The following TTLL2 variants were observed in gnomAD, a reference collection of about 807,000 sequenced individuals.
TTLL2 encodes the protein probable tubulin polyglutamylase TTLL2.
Under a neutral mutation model 7.5 loss-of-function variants are expected in TTLL2, and 10 were observed. That is an observed-to-expected ratio of 1.33 (90% confidence interval 0.82 to 2.25). The LOEUF is 2.25. Among genes scored for constraint, TTLL2 ranks in the 30% most tolerant of loss-of-function variants. The pLI is 0.00. For synonymous variants in TTLL2, 284 were observed against 280.3 expected (o/e 1.01, Z -0.13); for missense variants, 733 against 735.7 (o/e 1.00, Z 0.04).
chr6:167,339,280 A>T (rs1288809745), intron 2 of TTLL2, among the ~76,000 whole-genome samples: 1 of 152,184 alleles, frequency 6.6e-6, no homozygotes, highest in Non-Finnish European at 1.5e-5. Flanking sequence ...TGACATATGT[A>T]CATTTTTATC....
intron 1 of TTLL2, chr6:167,328,140 A>T: frequency 2.2e-6 from 1 of 456,220 alleles, no homozygotes; most frequent in Non-Finnish European, 4.4e-6. Context: ...GTGAAGAAAA[A>T]GACTCTTAGT....
Position 167,341,113 on chromosome 6 carries a change from A to G in TTLL2, c.1213A>G (p.Arg405Gly), listed in dbSNP as rs1282513379. ...LDCSTDVLVK[R>G]KLVHDIIDLI... The stretch of plus-strand genomic sequence containing the variant: ...TTGTTCAACAGATGTGTTGGTGAAG[A>G]GAAAACTTGTCCATGATATTATTGA... Residue 405 changes from arginine (R) to glycine (G), a missense_variant, in exon 3 of 3, where the codon AGA becomes GGA. Physicochemically the swap from Arg to Gly is moderately radical, Grantham distance 125. Coordinates refer to ENST00000239587, the MANE Select transcript of TTLL2 (RefSeq NM_031949.5). 5 of 1,613,988 alleles carry G rather than the reference A, an allele frequency of 3.1e-6. No homozygotes were observed. In the Admixed American group the frequency reaches 8.3e-5, roughly 27 times the overall value.
chr6:167,340,047 A>G, intron 2 of TTLL2, 58 bp from the exon 3 acceptor site: 5 of 1,517,188 alleles, frequency 3.3e-6, no homozygotes, highest in South Asian at 1.3e-5. Flanking sequence ...CCTCAGAAAA[A>G]TCTACTAGGT....
chr6:167,339,975 G>C, intron 2 of TTLL2, 130 bp from the exon 3 acceptor site: 1 of 952,298 alleles, frequency 1.1e-6, no homozygotes, highest in Non-Finnish European at 1.6e-6. Flanking sequence ...TGGGTGTCCG[G>C]TGAGACTGCA....
chr6:167,336,720 A>C (rs1202727588), intron 1 of TTLL2, among the ~76,000 whole-genome samples: 3 of 152,078 alleles, frequency 2.0e-5, no homozygotes, highest in African/African-American at 7.3e-5. Context: ...CAGAACTAAA[A>C]ATTGCACTGA....
Position 167,341,172 on chromosome 6 carries a change from G to A in TTLL2, c.1272G>A (p.Gly424=). 6.2e-7 allele frequency: 1 copy of A among 1,613,756 alleles called. No individual in the cohort carries two copies. The highest frequency in any genetic ancestry group is 1.7e-5 in the Admixed American group (1 of 59,982). The change falls in exon 3 of 3, where the codon GGG becomes GGA. Residue 424 remains glycine, a synonymous_variant. Transcript: ENST00000239587. Reference sequence around the variant, plus strand: ...ACTTAAATGGTCTAAGAAATGAGGGGAGAGAAGCCAGTAATGCCACACATG... The same window carrying A: ...ACTTAAATGGTCTAAGAAATGAGGGAAGAGAAGCCAGTAATGCCACACATG... The part of the protein sequence containing the change: ...LIYLNGLRNE[G]REASNATHGN...
At position 167,338,711 on chromosome 6, in the gene TTLL2, C is replaced by G. The variant is rs770629485; in HGVS notation, c.112C>G (p.Gln38Glu). 7 of 1,614,034 alleles carry G rather than the reference C, an allele frequency of 4.3e-6. No individual in the cohort carries two copies. The East Asian group carries it at 1.6e-4, about 36-fold the overall frequency. ...TCCATCCGAGGCAAACCACACTGAG[C>G]AGCCGCCTGCAGGCCTGGGAGCAAG... is the stretch of plus-strand genomic sequence containing the variant. ...NIPSEANHTEQPPAGLGARLQ... is the reference protein window; with the variant it reads ...NIPSEANHTEEPPAGLGARLQ... Residue 38 changes from glutamine to glutamate, a missense_variant, in exon 2 of 3, where the codon CAG (glutamine) becomes GAG (glutamate). Gln to Glu is a conservative substitution (Grantham distance 29). Transcript: ENST00000239587.
intron 1 of TTLL2, among the ~76,000 whole-genome samples, chr6:167,336,003 A>T (rs1417678537): frequency 6.6e-6 from 1 of 151,272 alleles, no homozygotes; most frequent in Non-Finnish European, 1.5e-5. Context: ...AAAAAAAGAA[A>T]TTCAATTTAA....
intron 1 of TTLL2, among the ~76,000 whole-genome samples, chr6:167,331,051 C>T (rs1012559702): frequency 6.6e-6 from 1 of 152,200 alleles, no homozygotes; most frequent in African/African-American, 2.4e-5. Flanking sequence ...CCTGTTCCTG[C>T]ACAAGTTGGC....
chr6:167,329,840 C>A (rs1778897432), intron 1 of TTLL2, among the ~76,000 whole-genome samples: 1 of 152,116 alleles, frequency 6.6e-6, no homozygotes, highest in Non-Finnish European at 1.5e-5. Flanking sequence ...GTTCCAGCAC[C>A]ATCTCACCAG....
chr6:167,340,737 G>T lies in TTLL2; in HGVS notation c.837G>T (p.Arg279=). The T allele has an allele frequency of 1.2e-6, 2 of 1,614,180 alleles. No homozygotes were observed. The highest frequency in any genetic ancestry group is 1.7e-6 in the Non-Finnish European group (2 of 1,180,040). Residue 279 remains arginine (R), a synonymous_variant, in exon 3 of 3, where the codon CGG becomes CGT. Transcript: ENST00000239587. ...TIYVYQEGLV[R]FATEKFDLSN... ...ATGTTTATCAGGAAGGGTTGGTTCG[G>T]TTTGCCACGGAAAAGTTTGACCTCA...
At chr6:167,334,776 G>A (rs1382992058) in intron 1 of TTLL2, among the ~76,000 whole-genome samples, 2 of 79,270 alleles carry the variant, frequency 2.5e-5, no homozygotes, top group Non-Finnish European at 4.8e-5. Flanking sequence ...TATGTAGGAA[G>A]CTGAAACTGG....
Position 167,340,940 on chromosome 6 carries a change from G to A in TTLL2, c.1040G>A (p.Arg347His), listed in dbSNP as rs556516360. Residue 347 changes from arginine (R) to histidine (H), a missense_variant, in exon 3 of 3, where the codon CGC (arginine) becomes CAC (histidine). Transcript: ENST00000239587. The stretch of plus-strand genomic sequence containing the variant: ...CTGCTTTTGTGGAAGAAAATCCACC[G>A]CATGGTTATTCTCACCATTCTCGCC... ...DDLLLWKKIH[R>H]MVILTILAIA... 39 of 1,613,946 alleles carry A rather than the reference G, an allele frequency of 2.4e-5. No homozygotes were observed. The highest frequency in any genetic ancestry group is 5.5e-5 in the South Asian group (5 of 91,076).
At chr6:167,333,790 C>A (rs1206455001) in intron 1 of TTLL2, among the ~76,000 whole-genome samples, 1 of 119,274 alleles carries the variant, frequency 8.4e-6, no homozygotes, top group Non-Finnish European at 1.7e-5. Context: ...GTGGTGATAT[C>A]CCCTTTATCA....
In TTLL2 at chr6:167,340,901, G is replaced by A; in HGVS notation, c.1001G>A (p.Trp334Ter). The A allele has an allele frequency of 6.2e-7, 1 of 1,614,120 alleles. No homozygotes were observed. Among genetic ancestry groups the A allele is most frequent in the Non-Finnish European group, 8.5e-7 (1 of 1,180,032 alleles). The change falls in exon 3 of 3, where the codon TGG (tryptophan) becomes TAG (stop). Residue 334 changes from tryptophan (W) to a stop codon, truncating the protein, a stop_gained. Transcript: ENST00000239587. LOFTEE classifies it low-confidence loss of function (END_TRUNC). ...LSRFFSYLRS[W>*]DVDDLLLWKK... ...AGATTTTTTTCCTACCTTCGTAGCT[G>A]GGATGTGGACGATCTGCTTTTGTGG... is the stretch of plus-strand genomic sequence containing the variant.
Position 167,340,150 on chromosome 6 carries a change from T to C in TTLL2, c.250T>C (p.Leu84=), listed in dbSNP as rs1779053296. Residue 84 remains leucine, a synonymous_variant, in exon 3 of 3, where the codon TTG becomes CTG. Transcript: ENST00000239587. ...MAEDEPSGAL[L]KPLVFRVDET... The stretch of plus-strand genomic sequence containing the variant: ...GGAAGATGAACCTTCAGGGGCCCTC[T>C]TGAAGCCGCTGGTTTTTCGCGTTGA... 2 of 1,604,486 alleles carry C rather than the reference T, an allele frequency of 1.2e-6. No homozygotes were observed. Among genetic ancestry groups the C allele is most frequent in the African/African-American group, 1.3e-5 (1 of 74,748 alleles).
intron 1 of TTLL2, among the ~76,000 whole-genome samples, chr6:167,326,723 T>G (rs1347310559): frequency 6.6e-6 from 1 of 152,174 alleles, no homozygotes; most frequent in Admixed American, 6.5e-5. Context: ...CATGAATTTT[T>G]TGTGATTTTG....
At chr6:167,334,442 T>C (rs1406593984) in intron 1 of TTLL2, among the ~76,000 whole-genome samples, 5 of 151,808 alleles carry the variant, frequency 3.3e-5, no homozygotes, top group African/African-American at 1.2e-4. Flanking sequence ...TGGAGAGTTC[T>C]GTAGATGTCT....
intron 1 of TTLL2, among the ~76,000 whole-genome samples, chr6:167,330,846 G>C (rs1429535063): frequency 6.6e-6 from 1 of 152,160 alleles, no homozygotes; most frequent in African/African-American, 2.4e-5. Flanking sequence ...GTTTGGGGTG[G>C]AGGCTCAGCC....
Sources: gnomAD v4.1 joint callset for allele counts (sites outside exome capture counted in the v4.1 genomes callset) on GRCh38, gnomAD v4.1.1 for gene constraint, MANE v1.5 for transcripts, NCBI Gene and HGNC (gene_info 2026-07-23, HGNC 2026-07-21) for gene names.